Variants in PPP4R1 observed in about 807,000 individuals in gnomAD.
PPP4R1 encodes protein phosphatase 4 regulatory subunit 1, also known as serine/threonine-protein phosphatase 4 regulatory subunit 1.
Under a neutral mutation model 111.2 loss-of-function variants are expected in PPP4R1, and 42 were observed. The observed-to-expected ratio is 0.38, with a 90% CI of 0.29 to 0.49. The LOEUF (loss-of-function observed/expected upper bound fraction) is 0.49. Ranked by LOEUF, PPP4R1 falls within the 20% of genes least tolerant of loss-of-function variation. PPP4R1 has a pLI of 0.97. For synonymous variants in PPP4R1, 409 were observed against 405.5 expected (o/e 1.01, Z -0.10); for missense variants, 1,012 against 1,161.6 (o/e 0.87, Z 1.87).
chr18:9,598,452 C>G (rs1219610009), intron 2 of PPP4R1, among the ~76,000 whole-genome samples: 1 of 152,054 alleles, frequency 6.6e-6, no homozygotes, highest in Non-Finnish European at 1.5e-5. Flanking sequence ...TAGAGAAAAA[C>G]AAAAGAATGA....
At chr18:9,591,591 T>C (rs2067212986) in intron 4 of PPP4R1, among the ~76,000 whole-genome samples, 1 of 152,188 alleles carries the variant, frequency 6.6e-6, no homozygotes, top group African/African-American at 2.4e-5. Flanking sequence ...AGGATACATA[T>C]TTCATTCACT....
At chr18:9,549,905 G>A (rs539850855) in intron 18 of PPP4R1, 147 bp downstream of exon 18, 4 of 1,203,752 alleles carry the variant, frequency 3.3e-6, no homozygotes, top group Non-Finnish European at 4.6e-6. Context: ...CCCAACAATG[G>A]GGGCAGATGA....
chr18:9,599,146 T>C (rs1442330326), intron 2 of PPP4R1, among the ~76,000 whole-genome samples: 1 of 152,122 alleles, frequency 6.6e-6, no homozygotes, highest in Non-Finnish European at 1.5e-5. Context: ...AATGGATAAA[T>C]ATATATTGTG....
intron 2 of PPP4R1, among the ~76,000 whole-genome samples, chr18:9,607,376 A>G (rs569714110): frequency 6.6e-6 from 1 of 152,128 alleles, no homozygotes; most frequent in South Asian, 2.1e-4. Flanking sequence ...AAAAAAAACA[A>G]AAACAGAAAC....
chr18:9,559,469 T>G lies in PPP4R1; in HGVS notation c.1978A>C (p.Asn660His), dbSNP rs1223436341. ...PGVALTLGRQ[N>H]WHCLRETYET... ...TACGTCTCTCTCAGGCAGTGCCAATTCTGTCTTCCGAGTGTCAAGGCCACA... is the reference window on the plus strand; with the variant it reads ...TACGTCTCTCTCAGGCAGTGCCAATGCTGTCTTCCGAGTGTCAAGGCCACA... The change falls in exon 14 of 20, where the codon AAT (asparagine) becomes CAT (histidine). Residue 660 changes from asparagine (N) to histidine (H), a missense_variant. Asn to His is a moderately conservative substitution (Grantham distance 68). Around this residue, in one of 2 missense-constraint regions of PPP4R1, gnomAD observed 305 missense variants for 419.5 expected, o/e 0.73. Transcript: ENST00000400556. 1 of 1,613,776 alleles carries G rather than the reference T, an allele frequency of 6.2e-7. No individual in the cohort carries two copies. The highest frequency in any genetic ancestry group is 2.2e-5 in the East Asian group (1 of 44,886).
intron 12 of PPP4R1, 102 bp downstream of exon 12, chr18:9,563,276 C>CAGA (rs1458991157): frequency 4.0e-6 from 5 of 1,249,840 alleles, no homozygotes; most frequent in Non-Finnish European, 5.4e-6. Context: ...CAGCAACAAA[C>CAGA]AGAACATACA....
At chr18:9,562,180 C>G in intron 12 of PPP4R1, 105 bp from the exon 13 acceptor site, 1 of 765,626 alleles carries the variant, frequency 1.3e-6, no homozygotes, top group East Asian at 2.7e-5. Flanking sequence ...AAGTAATAAA[C>G]ATATAAATTC....
intron 12 of PPP4R1, among the ~76,000 whole-genome samples, chr18:9,562,480 T>C (rs2066693636): frequency 6.6e-6 from 1 of 152,224 alleles, no homozygotes; most frequent in Admixed American, 6.5e-5. Context: ...ACAAATTATA[T>C]ATATGTTAAC....
At chr18:9,597,601 T>A (rs2067310741) in intron 2 of PPP4R1, among the ~76,000 whole-genome samples, 1 of 152,294 alleles carries the variant, frequency 6.6e-6, no homozygotes, top group South Asian at 2.1e-4. Context: ...AACAAAAATT[T>A]TAAAAATTCT....
chr18:9,586,983 A>T (rs1409004106), intron 6 of PPP4R1, among the ~76,000 whole-genome samples: 1 of 152,180 alleles, frequency 6.6e-6, no homozygotes, highest in Non-Finnish European at 1.5e-5. Context: ...ATGACTTAAC[A>T]ATCTGTATAT....
At chr18:9,577,019 T>C (rs906445242) in intron 10 of PPP4R1, 45 bp downstream of exon 10, 6 of 1,436,798 alleles carry the variant, frequency 4.2e-6, no homozygotes, top group African/African-American at 1.5e-5. Flanking sequence ...GCAGTAAAAT[T>C]AGAAAACAAG....
chr18:9,561,230 A>AT (rs1282619132), intron 13 of PPP4R1, among the ~76,000 whole-genome samples: 16 of 137,202 alleles, frequency 1.2e-4, no homozygotes, highest in Non-Finnish European at 2.1e-4. Flanking sequence ...AATAATAATA[A>AT]TAATAATAAT....
intron 6 of PPP4R1, among the ~76,000 whole-genome samples, chr18:9,586,595 A>G (rs1344843995): frequency 1.3e-5 from 2 of 152,190 alleles, no homozygotes; most frequent in African/African-American, 4.8e-5. Flanking sequence ...TAAAAATAAT[A>G]GATTCAAGAA....
At chr18:9,591,145 C>T (rs1568117928) in intron 4 of PPP4R1, among the ~76,000 whole-genome samples, 1 of 151,832 alleles carries the variant, frequency 6.6e-6, no homozygotes, top group African/African-American at 2.4e-5. Flanking sequence ...GTCAGAAGTT[C>T]AAGACCAGCC....
chr18:9,603,877 G>A (rs1454908526), intron 2 of PPP4R1, among the ~76,000 whole-genome samples: 1 of 152,048 alleles, frequency 6.6e-6, no homozygotes. Context: ...ATACATCAAG[G>A]TAAATTTCTG....
chr18:9,549,692 TGCAGTGAGGA>T lies in PPP4R1; in HGVS notation c.2547+350_2548-355del, dbSNP rs1230106373. 1.5e-5 allele frequency: 7 copies of T among 465,538 alleles called. No homozygotes were observed. In the South Asian group the frequency reaches 1.5e-4, roughly 10 times the overall value. 28.8% of individuals were successfully genotyped at this position (465,538 alleles called of 1,614,324 possible). A position where few individuals can be genotyped will look rare whatever the true frequency, so the allele number is the denominator to read the frequency against. ...TACATGTATGTATGCCTGTGTAATA[TGCAGTGAGGA>T]ACAGTGAGGAACATGCATGTATGTG... On this transcript the variant is annotated intron_variant, in intron 18 of 19. Coordinates refer to ENST00000400556, the MANE Select transcript of PPP4R1 (RefSeq NM_001042388.3).
chr18:9,602,585 C>A (rs921588574), intron 2 of PPP4R1, among the ~76,000 whole-genome samples: 6 of 149,626 alleles, frequency 4.0e-5, no homozygotes, highest in Non-Finnish European at 8.9e-5. Context: ...TTTAGCCATG[C>A]GCAGTGACTC....
At chr18:9,559,327 A>G in intron 14 of PPP4R1, 92 bp downstream of exon 14, 1 of 1,243,974 alleles carries the variant, frequency 8.0e-7, no homozygotes, top group Non-Finnish European at 1.1e-6. Context: ...AGAACATGCT[A>G]GAACATGAAC....
intron 15 of PPP4R1, among the ~76,000 whole-genome samples, chr18:9,555,739 AGAT>A: frequency 6.6e-6 from 1 of 152,364 alleles, no homozygotes; most frequent in Admixed American, 6.5e-5. Flanking sequence ...AGTGACACCT[AGAT>A]TTAAGAGGAC....
Sources: gnomAD v4.1 joint callset for allele counts (sites outside exome capture counted in the v4.1 genomes callset) on GRCh38, gnomAD v4.1.1 for gene constraint, gnomAD v4.1.1 regional missense constraint, MANE v1.5 for transcripts, NCBI Gene and HGNC (gene_info 2026-07-23, HGNC 2026-07-21) for gene names.